Variants in SMOC2 observed in about 807,000 individuals in gnomAD.
SMOC2 encodes SPARC related modular calcium binding 2.
Under a neutral mutation model 61.4 loss-of-function variants are expected in SMOC2, and 39 were observed. The ratio of observed to expected loss-of-function variants is 0.64; its 90% CI spans 0.49 to 0.83. The LOEUF (loss-of-function observed/expected upper bound fraction) is 0.83, where lower values mean the gene tolerates loss of function less well. SMOC2 is among the 40% of genes least tolerant of loss of function. The probability of loss-of-function intolerance (pLI) is 0.00; values close to 1 mark genes in which losing one functional copy is unlikely to be tolerated. For missense variants in SMOC2, 556 were observed against 592.9 expected, an observed-to-expected ratio of 0.94 and a Z score of 0.65; for synonymous variants, 247 against 239.9, an observed-to-expected ratio of 1.03 and a Z score of -0.27.
At chr6:168,509,872 A>C in intron 1 of SMOC2, 43 bp from the exon 2 acceptor site, 1 of 1,571,004 alleles carries the variant, frequency 6.4e-7, no homozygotes, top group Non-Finnish European at 8.7e-7. Flanking sequence ...GCTCTGAAGA[A>C]TGTGTCTTTA....
intron 7 of SMOC2, among the ~76,000 whole-genome samples, chr6:168,587,320 G>T (rs1256050608): frequency 6.6e-6 from 1 of 152,226 alleles, no homozygotes; most frequent in African/African-American, 2.4e-5. Context: ...TCTGTGACAA[G>T]TCTCAGTCAA....
intron 1 of SMOC2, among the ~76,000 whole-genome samples, chr6:168,489,784 AGTG>A: frequency 6.6e-6 from 1 of 151,862 alleles, no homozygotes; most frequent in African/African-American, 2.4e-5. Context: ...ACTGTTTTAG[AGTG>A]AAATATATGG....
rs1033493202 is a variant in SMOC2 at position 168,541,524 on chromosome 6, G to A, written c.464-2101G>A. Among the ~76,000 whole-genome samples, 3 of 152,158 alleles carry A rather than the reference G, an allele frequency of 2.0e-5. No individual in the cohort carries two copies. In the East Asian group the frequency reaches 5.8e-4, roughly 29 times the overall value. The stretch of plus-strand genomic sequence containing the variant: ...TGGGTCTGGATTTGTGTGCTTGCAT[G>A]GCTCTGCTGGCCTGTGGAAATATGT... On this transcript the variant is annotated intron_variant, in intron 4 of 12. Transcript: ENST00000356284.
chr6:168,628,811 G>A (rs935627194), intron 9 of SMOC2, among the ~76,000 whole-genome samples: 1 of 152,226 alleles, frequency 6.6e-6, no homozygotes, highest in Non-Finnish European at 1.5e-5. Flanking sequence ...GCCTTTGAGC[G>A]TGGTGCCCCG....
intron 1 of SMOC2, among the ~76,000 whole-genome samples, chr6:168,465,620 A>G (rs1781810876): frequency 6.6e-6 from 1 of 152,230 alleles, no homozygotes; most frequent in African/African-American, 2.4e-5. Context: ...AAAGTGACAT[A>G]GTTTGTGAAA....
chr6:168,646,810 C>T (rs373555902), intron 9 of SMOC2, among the ~76,000 whole-genome samples: 133 of 152,262 alleles, frequency 8.7e-4, no homozygotes, highest in Non-Finnish European at 1.4e-3. Flanking sequence ...GGATAGAACC[C>T]GGTGTTTCCA....
At chr6:168,513,496 CACACACAT>C (rs1783059399) in intron 2 of SMOC2, among the ~76,000 whole-genome samples, 2 of 151,644 alleles carry the variant, frequency 1.3e-5, no homozygotes, top group Non-Finnish European at 2.9e-5. Flanking sequence ...CACACACACA[CACACACAT>C]AGACACTCAC....
intron 4 of SMOC2, among the ~76,000 whole-genome samples, chr6:168,533,160 G>A (rs754748002): frequency 6.6e-6 from 1 of 152,026 alleles, no homozygotes; most frequent in Non-Finnish European, 1.5e-5. Context: ...CCCTGCTCTA[G>A]GAATTTCCTC....
chr6:168,582,725 G>C (rs967193185), intron 7 of SMOC2, among the ~76,000 whole-genome samples: 1 of 152,240 alleles, frequency 6.6e-6, no homozygotes, highest in Non-Finnish European at 1.5e-5. Context: ...GGAGGAGTGC[G>C]TCACGCGGTG....
intron 1 of SMOC2, among the ~76,000 whole-genome samples, chr6:168,476,501 T>C (rs1455722850): frequency 2.6e-5 from 4 of 151,910 alleles, no homozygotes; most frequent in Non-Finnish European, 4.4e-5. Flanking sequence ...TGTGTGTGTC[T>C]ATGTATGGTA....
chr6:168,623,234 C>A (rs2115234711), intron 9 of SMOC2, among the ~76,000 whole-genome samples: 1 of 152,054 alleles, frequency 6.6e-6, no homozygotes, highest in South Asian at 2.1e-4. Flanking sequence ...TCTAAAAGGA[C>A]AGAGCAGGCT....
At chr6:168,514,725 C>T (rs1435215432) in intron 2 of SMOC2, among the ~76,000 whole-genome samples, 2 of 152,224 alleles carry the variant, frequency 1.3e-5, no homozygotes, top group Admixed American at 1.3e-4. Context: ...CACAGCACCT[C>T]ATTAAACTTG....
rs562650424 is a variant in SMOC2 at position 168,592,106 on chromosome 6, C to T, written c.638-6712C>T. Among the ~76,000 whole-genome samples, 26 of 152,346 alleles carry T rather than the reference C, an allele frequency of 1.7e-4. No homozygotes were observed. The South Asian group carries it at 3.3e-3, about 19-fold the overall frequency. On this transcript the variant is annotated intron_variant, in intron 7 of 12. Coordinates refer to ENST00000356284, the MANE Select transcript of SMOC2 (RefSeq NM_001166412.2). The stretch of plus-strand genomic sequence containing the variant: ...TTCCACCTTGGTGTCCTGTGTCTAC[C>T]GGTCCCTGTGTGGTCCTGCCGGTGA...
intron 11 of SMOC2, among the ~76,000 whole-genome samples, chr6:168,657,469 C>A (rs572468753): frequency 6.6e-6 from 1 of 152,354 alleles, no homozygotes; most frequent in African/African-American, 2.4e-5. Flanking sequence ...GATGCCTATT[C>A]TCAGTAGTTG....
intron 1 of SMOC2, among the ~76,000 whole-genome samples, chr6:168,483,278 T>C (rs1333821761): frequency 6.6e-6 from 1 of 151,954 alleles, no homozygotes; most frequent in African/African-American, 2.4e-5. Context: ...AAAAATCAAT[T>C]GCACTTCTGT....
Position 168,575,151 on chromosome 6 carries a change from G to T in SMOC2, c.638-23667G>T, listed in dbSNP as rs954291674. On this transcript the variant is annotated intron_variant, in intron 7 of 12. Transcript: ENST00000356284. ...GCGTGGACTGGGCCTGCCTTTAGGA[G>T]CCACACCCCTCCCAGTGTTAATTCT... Among the ~76,000 whole-genome samples, 3 of 152,194 alleles carry T rather than the reference G, an allele frequency of 2.0e-5. No individual in the cohort carries two copies. The East Asian group carries it at 5.8e-4, about 29-fold the overall frequency.
intron 2 of SMOC2, among the ~76,000 whole-genome samples, chr6:168,522,771 GA>G: frequency 1.3e-5 from 2 of 152,294 alleles, no homozygotes; most frequent in Non-Finnish European, 2.9e-5. Context: ...CATGAACCGT[GA>G]AAACATCAGG....
At chr6:168,546,067 T>G (rs1783988140) in intron 5 of SMOC2, among the ~76,000 whole-genome samples, 2 of 148,730 alleles carry the variant, frequency 1.3e-5, no homozygotes, top group South Asian at 2.1e-4. Flanking sequence ...ATGTTAAATT[T>G]TTTTGAAAAT....
intron 1 of SMOC2, among the ~76,000 whole-genome samples, chr6:168,448,596 G>A (rs1379551826): frequency 1.3e-5 from 2 of 150,916 alleles, no homozygotes; most frequent in Non-Finnish European, 3.0e-5. Flanking sequence ...GTGATGGGGA[G>A]GACGATGATG....
Sources: allele counts gnomAD v4.1 joint callset (sites outside exome capture counted in the v4.1 genomes callset), GRCh38; gene constraint gnomAD v4.1.1; transcripts MANE v1.5; gene names NCBI Gene and HGNC (gene_info 2026-07-23, HGNC 2026-07-21).